RBFOX1: variants seen among roughly 807,000 people sequenced by gnomAD.
The protein encoded by RBFOX1 is RNA binding fox-1 homolog 1.
RBFOX1 carries 8 observed loss-of-function variants against 57.7 expected under a neutral mutation model. The observed-to-expected ratio is 0.14, with a 90% CI of 0.08 to 0.25. The LOEUF (loss-of-function observed/expected upper bound fraction) is 0.25. RBFOX1 is among the 10% of genes least tolerant of loss of function. The pLI is 1.00. For synonymous variants in RBFOX1, 326 were observed against 222.4 expected, an observed-to-expected ratio of 1.47 and a Z score of -4.15; for missense variants, 611 against 548.5, an observed-to-expected ratio of 1.11 and a Z score of -1.14.
chr16:6,622,717 T>G (rs1029971), intron 2 of RBFOX1, among the ~76,000 whole-genome samples: 115,432 of 152,154 alleles, frequency 0.76, 43,896 homozygotes, highest in South Asian at 0.84. Context: ...CCTGAGATTT[T>G]CTATTTTTAA....
intron 5 of RBFOX1, among the ~76,000 whole-genome samples, chr16:7,556,725 C>G (rs2088620486): frequency 6.6e-6 from 1 of 152,144 alleles, no homozygotes; most frequent in Admixed American, 6.5e-5. Flanking sequence ...ATTTCCTCAT[C>G]TATAAAATGG....
At chr16:6,270,954 AAAG>A (rs1274796701) in intron 1 of RBFOX1, among the ~76,000 whole-genome samples, 1 of 152,240 alleles carries the variant, frequency 6.6e-6, no homozygotes, top group African/African-American at 2.4e-5. Flanking sequence ...TCCATGGATT[AAAG>A]AAGGAGTCTC....
At chr16:7,329,569 A>G (rs1319321758) in intron 4 of RBFOX1, among the ~76,000 whole-genome samples, 2 of 152,228 alleles carry the variant, frequency 1.3e-5, no homozygotes, top group African/African-American at 4.8e-5. Flanking sequence ...TTATTTATTT[A>G]CAGGCTTTAT....
intron 1 of RBFOX1, among the ~76,000 whole-genome samples, chr16:6,252,538 A>G (rs1445567316): frequency 2.6e-5 from 4 of 152,188 alleles, no homozygotes; most frequent in East Asian, 1.9e-4. Context: ...AGGAATTCCA[A>G]AAGCCCCAGT....
At chr16:6,028,746 A>C (rs1013241204) in intron 1 of RBFOX1, among the ~76,000 whole-genome samples, 3 of 152,198 alleles carry the variant, frequency 2.0e-5, no homozygotes, top group Non-Finnish European at 2.9e-5. Context: ...GAGATTGTTC[A>C]GTCTGAATTA....
intron 4 of RBFOX1, among the ~76,000 whole-genome samples, chr16:7,325,000 TAGA>T (rs2096592978): frequency 6.6e-6 from 1 of 152,200 alleles, no homozygotes; most frequent in Admixed American, 6.5e-5. Flanking sequence ...GTTTGGGACA[TAGA>T]AGAAGGAGGT....
chr16:6,739,644 A>C (rs1294997825), intron 3 of RBFOX1, among the ~76,000 whole-genome samples: 1 of 152,140 alleles, frequency 6.6e-6, no homozygotes, highest in Non-Finnish European at 1.5e-5. Flanking sequence ...TGGGAGGCCG[A>C]GGTGGGTGGA....
chr16:6,969,281 G>T lies in RBFOX1; in HGVS notation c.-15-82776G>T, dbSNP rs1460404910. On this transcript the variant is annotated intron_variant, in intron 3 of 15. Coordinates refer to ENST00000550418, the MANE Select transcript of RBFOX1 (RefSeq NM_018723.4). ...AGATTATGGATTTTAAAAATGCTTA[G>T]GCAGTTACTCAACGAATCCTATTTA... Among the ~76,000 whole-genome samples the T allele has an allele frequency of 3.9e-5, 6 of 152,138 alleles. No individual in the cohort carries two copies. In the East Asian group the frequency reaches 9.6e-4, roughly 24 times the overall value.
At chr16:5,264,687 G>T (rs751075256) in intron 1 of RBFOX1, among the ~76,000 whole-genome samples, 17 of 152,154 alleles carry the variant, frequency 1.1e-4, no homozygotes, top group Non-Finnish European at 1.3e-4. Flanking sequence ...TGGGGGAGGG[G>T]ATGTGGCTAG....
intron 4 of RBFOX1, among the ~76,000 whole-genome samples, chr16:7,148,256 G>T (rs1193850000): frequency 6.6e-6 from 1 of 152,164 alleles, no homozygotes; most frequent in Non-Finnish European, 1.5e-5. Flanking sequence ...GAAGTTTAAA[G>T]GCACACTCTG....
chr16:7,460,863 A>C (rs1195415905), intron 4 of RBFOX1, among the ~76,000 whole-genome samples: 1 of 152,166 alleles, frequency 6.6e-6, no homozygotes, highest in East Asian at 1.9e-4. Context: ...TGTCTTGGGC[A>C]GAGTCTGATA....
intron 2 of RBFOX1, among the ~76,000 whole-genome samples, chr16:5,496,224 G>GAAT (rs2042997008): frequency 6.6e-6 from 1 of 152,164 alleles, no homozygotes; most frequent in Admixed American, 6.5e-5. Flanking sequence ...CCCTTTTCTT[G>GAAT]AGTGCATACT....
At chr16:6,539,800 A>AACACACACACACACACACACAC (rs1192980631) in intron 2 of RBFOX1, among the ~76,000 whole-genome samples, 16 of 57,530 alleles carry the variant, frequency 2.8e-4, no homozygotes, top group East Asian at 1.5e-3. Flanking sequence ...TGCATCTCAA[A>AACACACACACACACACACACAC]ACACAGACAC....
chr16:5,985,535 C>T, intron 4 of RBFOX1, among the ~76,000 whole-genome samples: 1 of 152,130 alleles, frequency 6.6e-6, no homozygotes, highest in East Asian at 1.9e-4. Flanking sequence ...CTTTTGCACC[C>T]ATCTAATAGC....
At chr16:6,516,655 G>C (rs2096384507) in intron 2 of RBFOX1, among the ~76,000 whole-genome samples, 2 of 152,174 alleles carry the variant, frequency 1.3e-5, no homozygotes, top group South Asian at 4.1e-4. Flanking sequence ...AAGACAATCT[G>C]TTGATTGTCA....
At chr16:6,969,691 C>G (rs1247821483) in intron 3 of RBFOX1, among the ~76,000 whole-genome samples, 1 of 152,198 alleles carries the variant, frequency 6.6e-6, no homozygotes, top group Non-Finnish European at 1.5e-5. Context: ...TTGCAGTGAG[C>G]TGAAATAGTG....
chr16:6,132,087 G>A (rs1168256527), intron 1 of RBFOX1, among the ~76,000 whole-genome samples: 2 of 152,158 alleles, frequency 1.3e-5, no homozygotes, highest in Non-Finnish European at 2.9e-5. Context: ...ACAAAGGAGC[G>A]AGATCTACTT....
intron 3 of RBFOX1, among the ~76,000 whole-genome samples, chr16:6,874,535 A>G (rs902901791): frequency 4.4e-4 from 55 of 125,056 alleles, no homozygotes; most frequent in Middle Eastern, 4.3e-3. Context: ...AAAAAAAAAA[A>G]AAATGAAATA....
rs1295572931 is a variant in RBFOX1 at position 5,740,277 on chromosome 16, G to T, written c.319-127026G>T. On this transcript the variant is annotated intron_variant, in intron 3 of 19. Transcript: ENST00000641259. ...CATCATCAGAAGTGAGAGGAGCAAA[G>T]CATCCAGTCACCAAACACTGTGTGA... Among the ~76,000 whole-genome samples, 4 of 152,166 alleles carry T rather than the reference G, an allele frequency of 2.6e-5. No individual in the cohort carries two copies. In the South Asian group the frequency reaches 8.3e-4, roughly 31 times the overall value.
Sources: gnomAD v4.1 joint callset for allele counts (sites outside exome capture counted in the v4.1 genomes callset) on GRCh38, gnomAD v4.1.1 for gene constraint, MANE v1.5 for transcripts, NCBI Gene and HGNC (gene_info 2026-07-23, HGNC 2026-07-21) for gene names.